Variants in CFTR observed in about 807,000 individuals in gnomAD.
CFTR encodes CF transmembrane conductance regulator.
CFTR carries 181 observed loss-of-function variants against 171.6 expected under a neutral mutation model. The ratio of observed to expected loss-of-function variants is 1.05; its 90% CI spans 0.93 to 1.19. CFTR has a LOEUF of 1.19. Among genes scored for constraint, CFTR ranks in the 50% most tolerant of loss-of-function variants. The pLI is 0.00. For missense variants in CFTR, 1,968 were observed against 1,734.7 expected (o/e 1.13, Z -2.39); for synonymous variants, 583 against 608.0 (o/e 0.96, Z 0.60).
At chr7:117,583,569 G>T (rs578051391) in intron 11 of CFTR, among the ~76,000 whole-genome samples, 2 of 151,558 alleles carry the variant, frequency 1.3e-5, no homozygotes, top group East Asian at 3.9e-4. Flanking sequence ...TTATCCACTT[G>T]TTGATTGATA....
At chr7:117,596,875 A>G (rs1369591956) in intron 15 of CFTR, among the ~76,000 whole-genome samples, 2 of 152,206 alleles carry the variant, frequency 1.3e-5, no homozygotes, top group Non-Finnish European at 2.9e-5. Context: ...AAATACACCA[A>G]TGGACACTTT....
intron 4 of CFTR, among the ~76,000 whole-genome samples, chr7:117,531,710 A>G (rs1584785452): frequency 1.3e-5 from 2 of 152,278 alleles, no homozygotes; most frequent in East Asian, 1.9e-4. Context: ...TTGCCGAGGC[A>G]TCATTTAGGT....
chr7:117,594,883 A>C (rs745763673), intron 14 of CFTR, 47 bp from the exon 15 acceptor site: 1 of 1,590,262 alleles, frequency 6.3e-7, no homozygotes, highest in Non-Finnish European at 8.6e-7. Flanking sequence ...CAATGGTGGC[A>C]TGAAACTGTA....
rs1310634696 is a variant in CFTR at position 117,504,373 on chromosome 7, T to G, written c.164+10T>G. The G allele has an allele frequency of 7.7e-7, 1 of 1,291,228 alleles. No individual in the cohort carries two copies. Among genetic ancestry groups the G allele is most frequent in the Non-Finnish European group, 1.1e-6 (1 of 885,684 alleles). 80.0% of individuals were successfully genotyped at this position (1,291,228 alleles called of 1,614,324 possible). Reference sequence around the variant, plus strand: ...CTGAAAAATTGGAAAGGTATGTTCATGTACATTGTTTAGTTGAAGAGAGAA... The same window carrying G: ...CTGAAAAATTGGAAAGGTATGTTCAGGTACATTGTTTAGTTGAAGAGAGAA... On this transcript the variant is annotated intron_variant, in intron 2 of 26. Coordinates refer to ENST00000003084, the MANE Select transcript of CFTR (RefSeq NM_000492.4).
At chr7:117,501,524 T>C (rs889082116) in intron 1 of CFTR, among the ~76,000 whole-genome samples, 9 of 151,610 alleles carry the variant, frequency 5.9e-5, no homozygotes, top group Admixed American at 2.0e-4. Flanking sequence ...GGCAGGTGGA[T>C]TGCCTGAAGT....
intron 20 of CFTR, 83 bp downstream of exon 20, chr7:117,611,891 A>G: frequency 1.1e-6 from 1 of 889,332 alleles, no homozygotes. Flanking sequence ...TAGGTTATCA[A>G]TTTTTGATAT....
intron 11 of CFTR, 67 bp from the exon 12 acceptor site, chr7:117,587,672 A>T (rs528498285): frequency 2.2e-6 from 2 of 898,526 alleles, no homozygotes; most frequent in Admixed American, 1.7e-5. Context: ...TAGAAGGAAG[A>T]TGTGCCTTTC....
rs565900558 is a variant in CFTR, at chr7:117,622,675, T to A, written c.3469-4847T>A. ...GGTATGATGGCACATAGTTTGGGTG[T>A]TAATGCCTAATCTTGATGTACTGGC... On this transcript the variant is annotated intron_variant, in intron 21 of 26. Coordinates refer to ENST00000003084, the MANE Select transcript of CFTR (RefSeq NM_000492.4). 4.6e-5 allele frequency among the ~76,000 whole-genome samples: 7 copies of A among 152,292 alleles called. No individual in the cohort carries two copies. The South Asian group carries it at 1.2e-3, about 27-fold the overall frequency.
rs897890349 is a variant in CFTR at position 117,536,514 on chromosome 7, A to T, written c.744-34A>T. On this transcript the variant is annotated intron_variant, in intron 6 of 26. Transcript: ENST00000003084. ...GATAATTTGACTTGTTTTTACTATT[A>T]GATTGATTGATTGATTGATTGATTG... 3.2e-6 allele frequency: 5 copies of T among 1,541,290 alleles called. No homozygotes were observed. The highest frequency in any genetic ancestry group is 4.4e-6 in the Non-Finnish European group (5 of 1,139,552).
At chr7:117,515,244 G>C (rs1798579978) in intron 3 of CFTR, among the ~76,000 whole-genome samples, 1 of 152,038 alleles carries the variant, frequency 6.6e-6, no homozygotes, top group Non-Finnish European at 1.5e-5. Flanking sequence ...GTCCTGAATG[G>C]TATTGCGTAG....
chr7:117,663,319 C>T (rs746610224), intron 24 of CFTR, among the ~76,000 whole-genome samples: 35 of 152,136 alleles, frequency 2.3e-4, no homozygotes, highest in Non-Finnish European at 3.8e-4. Context: ...TTTGAGTCTT[C>T]GGGGATACAT....
intron 11 of CFTR, among the ~76,000 whole-genome samples, chr7:117,562,999 G>T (rs1279858924): frequency 6.6e-6 from 1 of 152,108 alleles, no homozygotes; most frequent in African/African-American, 2.4e-5. Context: ...TCAGGAATTT[G>T]GTTGTGGAGA....
At position 117,544,097 on chromosome 7, in the gene CFTR, A is replaced by C. The variant is rs575774497; in HGVS notation, c.1209+1989A>C. Among the ~76,000 whole-genome samples the C allele has an allele frequency of 1.2e-4, 18 of 152,152 alleles. 1 individual carries two copies. In the East Asian group the frequency reaches 3.5e-3, roughly 29 times the overall value. ...AATTCTTCCTTTTGAACTCCTCCTG[A>C]TTTAACCTCTGCTTATTCGAAGAAC... On this transcript the variant is annotated intron_variant, in intron 9 of 26. Transcript: ENST00000003084.
intron 22 of CFTR, among the ~76,000 whole-genome samples, chr7:117,638,746 T>C (rs940781952): frequency 1.0e-4 from 15 of 149,458 alleles, no homozygotes; most frequent in African/African-American, 3.2e-4. Context: ...CATAAATAAA[T>C]AAATAAATAA....
intron 1 of CFTR, among the ~76,000 whole-genome samples, chr7:117,497,855 A>T (rs1420055841): frequency 6.6e-6 from 1 of 152,150 alleles, no homozygotes; most frequent in Admixed American, 6.5e-5. Context: ...ATAATTACAC[A>T]TACCTTTTCT....
intron 4 of CFTR, among the ~76,000 whole-genome samples, chr7:117,533,429 T>C (rs1236443779): frequency 6.6e-6 from 1 of 152,190 alleles, no homozygotes; most frequent in Non-Finnish European, 1.5e-5. Context: ...TCTATCATAT[T>C]ATATTTAGTT....
intron 8 of CFTR, among the ~76,000 whole-genome samples, chr7:117,540,640 TC>T (rs2116685020): frequency 6.6e-6 from 1 of 152,332 alleles, no homozygotes; most frequent in East Asian, 1.9e-4. Context: ...GTGATAAGAC[TC>T]AATTTATACA....
At chr7:117,492,820 C>T (rs1036460401) in intron 1 of CFTR, among the ~76,000 whole-genome samples, 6 of 151,962 alleles carry the variant, frequency 3.9e-5, no homozygotes, top group African/African-American at 1.2e-4. Context: ...TTAATCTAGA[C>T]TTCAGAGAGG....
chr7:117,586,749 G>A (rs945713710), intron 11 of CFTR, among the ~76,000 whole-genome samples: 1 of 151,948 alleles, frequency 6.6e-6, no homozygotes, highest in Non-Finnish European at 1.5e-5. Context: ...AATGTACAAG[G>A]ATGGGAGGAG....
Sources: gnomAD v4.1 joint callset for allele counts (sites outside exome capture counted in the v4.1 genomes callset) on GRCh38, gnomAD v4.1.1 for gene constraint, MANE v1.5 for transcripts, NCBI Gene and HGNC (gene_info 2026-07-23, HGNC 2026-07-21) for gene names.